ZNF831: variants seen among roughly 807,000 people sequenced by gnomAD.
The protein encoded by ZNF831 is chromosome 20 open reading frame 174.
In ZNF831, 59 loss-of-function variants were observed where a neutral mutation model predicts 95.8. The ratio of observed to expected loss-of-function variants is 0.62; its 90% CI spans 0.50 to 0.77. ZNF831 has a LOEUF of 0.77. Among genes scored for constraint, ZNF831 ranks in the 30% least tolerant of loss-of-function variants. The pLI is 0.00. For missense variants in ZNF831, 2,205 were observed against 2,164.0 expected, an observed-to-expected ratio of 1.02 and a Z score of -0.38; for synonymous variants, 961 against 925.5, an observed-to-expected ratio of 1.04 and a Z score of -0.70.
chr20:59,167,986 C>T (rs1981419327), intron 1 of ZNF831, among the ~76,000 whole-genome samples: 1 of 151,980 alleles, frequency 6.6e-6, no homozygotes, highest in Non-Finnish European at 1.5e-5. Flanking sequence ...GTCTTGATTA[C>T]TTTGGCTATA....
At position 59,193,312 on chromosome 20, in the gene ZNF831, C is replaced by G. The variant is rs746133611; in HGVS notation, c.2293C>G (p.Pro765Ala). 4 of 1,612,474 alleles carry G rather than the reference C, an allele frequency of 2.5e-6. No homozygotes were observed. ...ACTGGGGTGGCAGATGCCCCCAGCA[C>G]CTGGCCCCCTCAAAGGGGGTGATGT... ...LELGWQMPPAPGPLKGGDVEA... is the reference protein window; with the variant it reads ...LELGWQMPPAAGPLKGGDVEA... The change falls in exon 2 of 6, where the codon CCT (proline) becomes GCT (alanine). Residue 765 changes from proline (P) to alanine (A), a missense_variant. By Grantham distance (27) the Pro-to-Ala change is conservative (BLOSUM62 -1). Transcript: ENST00000371030.
chr20:59,253,882 TTGCA>T lies in ZNF831; in HGVS notation c.4189-15_4189-12del. The T allele has an allele frequency of 1.1e-6, 1 of 893,424 alleles. No individual in the cohort carries two copies. The highest frequency in any genetic ancestry group is 2.0e-5 in the African/African-American group (1 of 49,630). The allele number at this position is 893,424 out of a possible 1,614,324, so 55.3% of individuals were successfully genotyped here. A position where few individuals can be genotyped will look rare whatever the true frequency, so the allele number is the denominator to read the frequency against. ...CCTCCCCCCCCACTTTTTTTTTCCTTTGCACTTTGTTGCAGGATATTTCTCCATC... is the reference window on the plus strand; with the variant it reads ...CCTCCCCCCCCACTTTTTTTTTCCTTCTTTGTTGCAGGATATTTCTCCATC... On this transcript the variant is annotated splice_polypyrimidine_tract_variant and intron_variant, in intron 5 of 5. Transcript: ENST00000371030.
intron 1 of ZNF831, among the ~76,000 whole-genome samples, chr20:59,173,265 A>G (rs1461434935): frequency 1.3e-5 from 2 of 152,188 alleles, no homozygotes; most frequent in East Asian, 3.9e-4. Context: ...GAAGCTTGGC[A>G]TGACTGTGAA....
rs921391597 is a variant in ZNF831 at position 59,240,677 on chromosome 20, C to T, written c.4028-12301C>T. Among the ~76,000 whole-genome samples, 6 of 152,246 alleles carry T rather than the reference C, an allele frequency of 3.9e-5. No homozygotes were observed. The South Asian group carries it at 8.3e-4, about 21-fold the overall frequency. ...ATTAGCCGGGCGTGGTGGCGGGCGCCTGTAGTCCCAGCTACTCCGGAGGCT... is the reference window on the plus strand; with the variant it reads ...ATTAGCCGGGCGTGGTGGCGGGCGCTTGTAGTCCCAGCTACTCCGGAGGCT... On this transcript the variant is annotated intron_variant, in intron 4 of 5. Transcript: ENST00000371030.
At chr20:59,135,002 G>T (rs980993889) in intron 1 of ZNF831, among the ~76,000 whole-genome samples, 3 of 152,004 alleles carry the variant, frequency 2.0e-5, no homozygotes, top group Non-Finnish European at 2.9e-5. Context: ...CAGGAACATT[G>T]ATTACTGGTT....
chr20:59,188,995 A>G (rs1983290803), intron 1 of ZNF831, among the ~76,000 whole-genome samples: 1 of 152,142 alleles, frequency 6.6e-6, no homozygotes, highest in Non-Finnish European at 1.5e-5. Context: ...AGCCTGGTCA[A>G]CATGGTGAAA....
At position 59,154,184 on chromosome 20, in the gene ZNF831, G is replaced by C. The variant is rs1252031419; in HGVS notation, c.-1280-5468G>C. ...CCCTGCTGCTGAGGTTTGGCAGTGG[G>C]GAGATCACTTCTTGCAGTGGGTTGG... On this transcript the variant is annotated intron_variant, in intron 2 of 7. Coordinates refer to the ZNF831 transcript ENST00000637017. 4.6e-5 allele frequency among the ~76,000 whole-genome samples: 7 copies of C among 152,282 alleles called. No homozygotes were observed. The East Asian group carries it at 1.4e-3, about 29-fold the overall frequency.
intron 1 of ZNF831, among the ~76,000 whole-genome samples, chr20:59,180,873 C>A (rs1167644107): frequency 1.3e-5 from 2 of 152,276 alleles, no homozygotes; most frequent in East Asian, 1.9e-4. Context: ...GATTTATAAT[C>A]CTTTGGGTAT....
In ZNF831 at chr20:59,206,624, T is replaced by C. The variant is rs75999219; in HGVS notation, c.3876-281T>C. Among the ~76,000 whole-genome samples, 1,336 of 152,342 alleles carry C rather than the reference T, an allele frequency of 8.8e-3. 21 individuals carry two copies. The highest frequency in any genetic ancestry group is 0.029 in the African/African-American group (1,225 of 41,576). On this transcript the variant is annotated intron_variant, in intron 3 of 5. Coordinates refer to ENST00000371030, the MANE Select transcript of ZNF831 (RefSeq NM_178457.3). ...CAAGACCACGTAGCTTAAAACCTAA[T>C]TGCAGCAACTATCCTTGACTAAGCC...
chr20:59,174,230 C>T (rs989950458), intron 1 of ZNF831, among the ~76,000 whole-genome samples: 11 of 152,158 alleles, frequency 7.2e-5, no homozygotes, highest in East Asian at 3.9e-4. Context: ...TGGCTTTACG[C>T]GGCTTTAGTT....
chr20:59,243,595 GACTCC>G (rs1429584155), intron 4 of ZNF831, among the ~76,000 whole-genome samples: 2 of 152,110 alleles, frequency 1.3e-5, no homozygotes, highest in Non-Finnish European at 2.9e-5. Flanking sequence ...TGAACCCTAG[GACTCC>G]CTCATCCACT....
rs755120604 is a variant in ZNF831 at position 59,194,415 on chromosome 20, C to T, written c.3396C>T (p.Ser1132=). 1.6e-5 allele frequency: 26 copies of T among 1,611,208 alleles called. No homozygotes were observed. In the South Asian group the frequency reaches 2.9e-4, roughly 18 times the overall value. ...PDPCSPLQPG[S]FLTALTRPQG... ...CGTGTTCCCCCCTCCAGCCTGGCTC[C>T]TTCCTCACTGCCCTCACTCGGCCTC... is the stretch of plus-strand genomic sequence containing the variant. The change falls in exon 2 of 6, where the codon TCC becomes TCT. Residue 1132 remains serine (S), a synonymous_variant. Coordinates refer to ENST00000371030, the MANE Select transcript of ZNF831 (RefSeq NM_178457.3).
intron 1 of ZNF831, among the ~76,000 whole-genome samples, chr20:59,124,700 T>A (rs1027681867): frequency 1.3e-5 from 2 of 152,194 alleles, no homozygotes; most frequent in Non-Finnish European, 2.9e-5. Context: ...GGGGTGCTTG[T>A]CAGGTCACCT....
chr20:59,230,471 C>T (rs1032151510), intron 4 of ZNF831, among the ~76,000 whole-genome samples: 4 of 151,924 alleles, frequency 2.6e-5, no homozygotes, highest in Middle Eastern at 3.4e-3. Flanking sequence ...CAGAGTGAGA[C>T]TCTGTCTCAC....
At chr20:59,210,326 C>A (rs976340541) in intron 4 of ZNF831, among the ~76,000 whole-genome samples, 2 of 152,222 alleles carry the variant, frequency 1.3e-5, no homozygotes, top group Non-Finnish European at 2.9e-5. Flanking sequence ...GCTATGGGGC[C>A]CACTGGCTTC....
Position 59,194,086 on chromosome 20 carries a change from G to T in ZNF831, c.3067G>T (p.Gly1023Trp), listed in dbSNP as rs372840406. The change falls in exon 2 of 6, where the codon GGG becomes TGG. Residue 1023 changes from glycine to tryptophan, a missense_variant. Coordinates refer to ENST00000371030, the MANE Select transcript of ZNF831 (RefSeq NM_178457.3). ...PQDGRKGAQL[G>W]GDKGDRMATS... ...GGATGGGAGAAAAGGGGCACAGTTG[G>T]GGGGGGACAAGGGGGACAGGATGGC... 13 of 1,541,054 alleles carry T rather than the reference G, an allele frequency of 8.4e-6. No individual in the cohort carries two copies. Among genetic ancestry groups the T allele is most frequent in the African/African-American group, 2.7e-5 (2 of 72,982 alleles).
intron 3 of ZNF831, among the ~76,000 whole-genome samples, chr20:59,202,152 C>T (rs1438688176): frequency 6.6e-6 from 1 of 152,136 alleles, no homozygotes; most frequent in Non-Finnish European, 1.5e-5. Flanking sequence ...TCAGAAGTCC[C>T]TGGCCTATTG....
intron 4 of ZNF831, among the ~76,000 whole-genome samples, chr20:59,210,386 G>A (rs73618655): frequency 0.08 from 12,163 of 152,138 alleles, 708 homozygotes; most frequent in East Asian, 0.27. Context: ...CCGCGGAGCC[G>A]CCATATGTGA....
chr20:59,161,201 A>G (rs1980835180), upstream of ZNF831, among the ~76,000 whole-genome samples: 1 of 152,134 alleles, frequency 6.6e-6, no homozygotes, highest in Admixed American at 6.5e-5. Flanking sequence ...TGCAACCATC[A>G]CTGTGATCTA....
Sources: gnomAD v4.1 joint callset for allele counts (sites outside exome capture counted in the v4.1 genomes callset) on GRCh38, gnomAD v4.1.1 for gene constraint, MANE v1.5 for transcripts, NCBI Gene and HGNC (gene_info 2026-07-23, HGNC 2026-07-21) for gene names.